The following CR1 variants were observed in gnomAD, a reference collection of about 807,000 sequenced individuals.
CR1 encodes complement receptor type 1.
A neutral mutation model predicts 187.3 loss-of-function variants in CR1; 116 were observed. That is an observed-to-expected ratio of 0.62 (90% CI 0.53 to 0.72). The LOEUF (loss-of-function observed/expected upper bound fraction) is 0.72, where lower values mean the gene tolerates loss of function less well. Among genes scored for constraint, CR1 ranks in the 30% least tolerant of loss-of-function variants. The probability of loss-of-function intolerance (pLI) is 0.00; values close to 1 mark genes in which losing one functional copy is unlikely to be tolerated. For missense variants in CR1, 1,731 were observed against 2,110.7 expected (o/e 0.82, Z 3.52); for synonymous variants, 576 against 747.1 (o/e 0.77, Z 3.73).
chr1:207,618,361 C>G (rs1662211352), intron 42 of CR1, 114 bp downstream of exon 42: 1 of 927,130 alleles, frequency 1.1e-6, no homozygotes, highest in Admixed American at 2.5e-5. Flanking sequence ...TTTTTTTCTT[C>G]TCGGCAACTG....
intron 45 of CR1, among the ~76,000 whole-genome samples, chr1:207,629,857 C>A (rs1662588949): frequency 6.6e-6 from 1 of 152,188 alleles, no homozygotes; most frequent in South Asian, 2.1e-4. Flanking sequence ...AGACCCTGAG[C>A]AAGATACTTA....
chr1:207,625,938 C>A (rs934175792), intron 45 of CR1, among the ~76,000 whole-genome samples: 4 of 152,168 alleles, frequency 2.6e-5, no homozygotes, highest in African/African-American at 9.7e-5. Flanking sequence ...GATTATAAAA[C>A]CTATGCCTAT....
In CR1 at chr1:207,609,648, C is replaced by T. The variant is rs186381434; in HGVS notation, c.6255C>T (p.Thr2085=). The change falls in exon 37 of 47, where the codon ACC becomes ACT. Residue 2085 remains threonine, a synonymous_variant. Transcript: ENST00000367049. ...MVGSHTVQCQ[T]NGRWGPKLPH... Reference sequence around the variant, plus strand: ...GGTCCCACACTGTGCAGTGCCAGACCAATGGCAGATGGGGGCCCAAGCTGC... The same window carrying T: ...GGTCCCACACTGTGCAGTGCCAGACTAATGGCAGATGGGGGCCCAAGCTGC... 4 of 1,599,338 alleles carry T rather than the reference C, an allele frequency of 2.5e-6. No homozygotes were observed. In the African/African-American group the frequency reaches 4.0e-5, roughly 16 times the overall value.
intron 4 of CR1, 148 bp downstream of exon 4, chr1:207,511,802 G>T (rs1659628859): frequency 3.0e-6 from 2 of 660,814 alleles, no homozygotes; most frequent in Admixed American, 2.9e-5. Context: ...TTCCTATGGG[G>T]TTCCTGGCAA....
In CR1 at chr1:207,584,930, C is replaced by T. The variant is rs867628257; in HGVS notation, c.5530+54C>T. The T allele has an allele frequency of 6.9e-5, 110 of 1,598,672 alleles. 1 individual carries two copies. The Middle Eastern group carries it at 7.5e-3, about 110-fold the overall frequency. On this transcript the variant is annotated intron_variant, in intron 33 of 46. Transcript: ENST00000367049. The stretch of plus-strand genomic sequence containing the variant: ...TGGGTTCAGAATATGTGGACCCAAT[C>T]CCTCATGTTTCTGTAATAAGACTAT...
rs529259441 is a variant in CR1 at position 207,506,107 on chromosome 1, C to A, written c.301+24C>A. On this transcript the variant is annotated intron_variant, in intron 2 of 46. Transcript: ENST00000367049. ...ACGTAAGTAACTCTGGAGTGGGAAC[C>A]CCCCTGTTAGTCAAACATCTGTAAG... The A allele has an allele frequency of 2.1e-5, 34 of 1,606,298 alleles. No homozygotes were observed. In the East Asian group the frequency reaches 6.7e-4, roughly 32 times the overall value.
At chr1:207,519,430 T>C (rs186833705) in intron 4 of CR1, among the ~76,000 whole-genome samples, 78 of 152,300 alleles carry the variant, frequency 5.1e-4, no homozygotes, top group Non-Finnish European at 9.4e-4. Context: ...ATTTTTATTA[T>C]TCTATTTCCC....
At chr1:207,634,968 A>G (rs890361179) in intron 46 of CR1, among the ~76,000 whole-genome samples, 5 of 152,228 alleles carry the variant, frequency 3.3e-5, no homozygotes, top group African/African-American at 7.2e-5. Flanking sequence ...GGACAAAATT[A>G]AAAAAGGAAA....
At chr1:207,522,681 G>A (rs953355849) in intron 4 of CR1, among the ~76,000 whole-genome samples, 1 of 152,210 alleles carries the variant, frequency 6.6e-6, no homozygotes, top group African/African-American at 2.4e-5. Context: ...TTTCTTGAGG[G>A]TGGATGGTTG....
In CR1 at chr1:207,512,922, A is replaced by G. The variant is rs192446692; in HGVS notation, c.487+1268A>G. 1.0e-3 allele frequency among the ~76,000 whole-genome samples: 154 copies of G among 152,296 alleles called. 2 individuals carry two copies. The highest frequency in any genetic ancestry group is 1.8e-3 in the African/African-American group (73 of 41,562). On this transcript the variant is annotated intron_variant, in intron 4 of 46. Coordinates refer to ENST00000367049, the MANE Select transcript of CR1 (RefSeq NM_000651.6). ...GTAAATGGCCTCAAGTCTTCTTGGA[A>G]AAGGCTAGGGGAAGATTTACAATAC...
At chr1:207,510,186 G>A (rs1427521172) in intron 3 of CR1, among the ~76,000 whole-genome samples, 2 of 151,988 alleles carry the variant, frequency 1.3e-5, no homozygotes, top group Admixed American at 6.6e-5. Flanking sequence ...CAGCCTTGGC[G>A]ACAAGAGTGA....
At chr1:207,636,909 A>G (rs1662831836) in intron 46 of CR1, among the ~76,000 whole-genome samples, 1 of 152,244 alleles carries the variant, frequency 6.6e-6, no homozygotes, top group African/African-American at 2.4e-5. Context: ...TGCAATTTTC[A>G]CAGCTTATAG....
At chr1:207,511,406 G>C (rs193015990) in intron 3 of CR1, among the ~76,000 whole-genome samples, 163 bp from the exon 4 acceptor site, 272 of 152,266 alleles carry the variant, frequency 1.8e-3, no homozygotes, top group Non-Finnish European at 2.4e-3. Flanking sequence ...AAGTCAAAAA[G>C]TCCCAAGAAG....
At position 207,630,519 on chromosome 1, in the gene CR1, A is replaced by T. The variant is rs777224485; in HGVS notation, c.7355A>T (p.Asn2452Ile). The T allele has an allele frequency of 3.1e-6, 5 of 1,596,276 alleles. No individual in the cohort carries two copies. The African/African-American group carries it at 6.7e-5, about 22-fold the overall frequency. Residue 2452 changes from asparagine to isoleucine, a missense_variant and splice_region_variant, in exon 46 of 47, where the codon AAT becomes ATT. Coordinates refer to ENST00000367049, the MANE Select transcript of CR1 (RefSeq NM_000651.6). ...SWIILKHRKG[N>I]NAHENPKEVA... ...CTATTTTTTTCTCTGCCAATTAGCA[A>T]TAATGCACATGAAAACCCTAAAGAA... is the stretch of plus-strand genomic sequence containing the variant.
At chr1:207,588,968 T>C (rs756721846) in intron 35 of CR1, among the ~76,000 whole-genome samples, 194 bp downstream of exon 35, 20 of 152,194 alleles carry the variant, frequency 1.3e-4, no homozygotes, top group Non-Finnish European at 2.6e-4. Flanking sequence ...ACAATATGTA[T>C]TGTATTGTAA....
intron 35 of CR1, among the ~76,000 whole-genome samples, chr1:207,604,582 A>G (rs1558261485): frequency 6.6e-6 from 1 of 152,164 alleles, no homozygotes; most frequent in Non-Finnish European, 1.5e-5. Flanking sequence ...TTGAAATGCC[A>G]TCTTTATCAC....
rs1397255726 is a variant in CR1, at chr1:207,639,901, A to G, written c.*492A>G. 6.8e-6 allele frequency: 1 copy of G among 147,128 alleles called. No homozygotes were observed. Among genetic ancestry groups the G allele is most frequent in the Non-Finnish European group, 1.5e-5 (1 of 68,518 alleles). The allele number at this position is 147,128 out of a possible 1,614,324, so 9.1% of individuals were successfully genotyped here. On this transcript the variant is annotated 3_prime_UTR_variant, in exon 47 of 47. Coordinates refer to ENST00000367049, the MANE Select transcript of CR1 (RefSeq NM_000651.6). ...TCATTTTCTGCCTATCTTCTTTCACATATGTGTTTTTTTACATACGTACTT... is the reference window on the plus strand; with the variant it reads ...TCATTTTCTGCCTATCTTCTTTCACGTATGTGTTTTTTTACATACGTACTT...
Position 207,512,222 on chromosome 1 carries a change from T to C in CR1, c.487+568T>C, listed in dbSNP as rs377268692. Among the ~76,000 whole-genome samples the C allele has an allele frequency of 3.5e-3, 540 of 152,350 alleles. 5 individuals are homozygous for C. The highest frequency in any genetic ancestry group is 0.013 in the African/African-American group (526 of 41,578). On this transcript the variant is annotated intron_variant, in intron 4 of 46. Transcript: ENST00000367049. ...AGTTAAAATGTTAGAGTAACCTAAA[T>C]ATTTTAAACTATGGTTTGGAAATAA...
intron 1 of CR1, among the ~76,000 whole-genome samples, chr1:207,501,834 T>A (rs769822645): frequency 6.6e-6 from 1 of 152,158 alleles, no homozygotes; most frequent in Non-Finnish European, 1.5e-5. Flanking sequence ...AAGACAAATA[T>A]CAAAATTGTA....
Sources: allele counts gnomAD v4.1 joint callset (sites outside exome capture counted in the v4.1 genomes callset), GRCh38; gene constraint gnomAD v4.1.1; transcripts MANE v1.5; gene names NCBI Gene and HGNC (gene_info 2026-07-23, HGNC 2026-07-21).